The following CSMD2 variants were observed in gnomAD, a reference collection of about 807,000 sequenced individuals.
The protein encoded by CSMD2 is CUB and Sushi multiple domains 2.
Under a neutral mutation model 398.5 loss-of-function variants are expected in CSMD2, and 130 were observed. The observed-to-expected ratio is 0.33, with a 90% CI of 0.28 to 0.38. The LOEUF (loss-of-function observed/expected upper bound fraction) is 0.38. Ranked by LOEUF, CSMD2 falls within the 10% of genes least tolerant of loss-of-function variation. The pLI is 1.00. For missense variants in CSMD2, 3,829 were observed against 4,764.9 expected (o/e 0.80, Z 5.78); for synonymous variants, 1,828 against 1,908.5 (o/e 0.96, Z 1.10).
chr1:34,077,149 G>A (rs1656478866), intron 2 of CSMD2, among the ~76,000 whole-genome samples: 1 of 151,528 alleles, frequency 6.6e-6, no homozygotes, highest in African/African-American at 2.4e-5. Context: ...AGACCAGAGT[G>A]TTGGAGAGAA....
At chr1:34,136,392 T>A (rs1004362884) in intron 1 of CSMD2, among the ~76,000 whole-genome samples, 2 of 152,248 alleles carry the variant, frequency 1.3e-5, no homozygotes, top group African/African-American at 4.8e-5. Flanking sequence ...ACAAGTGTTA[T>A]CTATTAAATA....
chr1:33,852,720 T>G (rs1197580022), intron 5 of CSMD2, among the ~76,000 whole-genome samples: 10 of 152,258 alleles, frequency 6.6e-5, no homozygotes, highest in Non-Finnish European at 1.3e-4. Flanking sequence ...ATCTTCTTTT[T>G]GTCTCAGTAT....
At chr1:33,981,300 C>A (rs1328729314) in intron 3 of CSMD2, among the ~76,000 whole-genome samples, 1 of 152,190 alleles carries the variant, frequency 6.6e-6, no homozygotes. Flanking sequence ...CCCAGCTGTT[C>A]ATAAGCACTT....
At chr1:33,887,476 G>A (rs944411452) in intron 5 of CSMD2, among the ~76,000 whole-genome samples, 1 of 152,176 alleles carries the variant, frequency 6.6e-6, no homozygotes, top group Non-Finnish European at 1.5e-5. Flanking sequence ...AAGCGATGGT[G>A]TTACAGAACC....
chr1:33,918,080 G>A lies in CSMD2; in HGVS notation c.920+14C>T. On this transcript the variant is annotated intron_variant, in intron 5 of 70. Transcript: ENST00000373381. ...AGAGAATAGGGTAGGAAAGGAAGGT[G>A]ATGTTGTGCTTACCAGAGGGAGGAG... 1 of 1,609,808 alleles carries A rather than the reference G, an allele frequency of 6.2e-7. No homozygotes were observed. Among genetic ancestry groups the A allele is most frequent in the Non-Finnish European group, 8.5e-7 (1 of 1,177,248 alleles).
intron 68 of CSMD2, among the ~76,000 whole-genome samples, chr1:33,520,772 C>T (rs916063367): frequency 3.3e-5 from 5 of 152,152 alleles, no homozygotes; most frequent in Admixed American, 1.3e-4. Context: ...AGGGCCCCGG[C>T]GATGGGAGGT....
intron 2 of CSMD2, among the ~76,000 whole-genome samples, chr1:34,033,998 G>A (rs1049817770): frequency 1.3e-5 from 2 of 151,950 alleles, no homozygotes. Context: ...AGTTTCAAGG[G>A]CATCTTCTCT....
intron 25 of CSMD2, among the ~76,000 whole-genome samples, chr1:33,666,541 ATG>A (rs67825405): frequency 0.9 from 133,576 of 148,718 alleles, 60,024 homozygotes; most frequent in Admixed American, 0.92. Flanking sequence ...AGATATATAT[ATG>A]TGTGTGTGTG....
intron 3 of CSMD2, among the ~76,000 whole-genome samples, chr1:33,993,801 C>T (rs572034000): frequency 1.3e-5 from 2 of 152,254 alleles, no homozygotes; most frequent in East Asian, 3.9e-4. Flanking sequence ...ACTCACTCTC[C>T]TAGACCCCCT....
chr1:33,614,477 T>C, intron 40 of CSMD2, 27 bp downstream of exon 40: 3 of 1,302,350 alleles, frequency 2.3e-6, no homozygotes, highest in Non-Finnish European at 3.3e-6. Flanking sequence ...TTGAAGCCTG[T>C]CTCCTCTGGG....
chr1:33,983,368 C>G (rs1038482141), intron 3 of CSMD2, among the ~76,000 whole-genome samples: 4 of 152,208 alleles, frequency 2.6e-5, no homozygotes, highest in African/African-American at 9.7e-5. Context: ...GGGCATCTCT[C>G]TACTTGGGAA....
At chr1:33,696,511 G>A (rs759492377) in intron 24 of CSMD2, among the ~76,000 whole-genome samples, 1 of 152,188 alleles carries the variant, frequency 6.6e-6, no homozygotes, top group Non-Finnish European at 1.5e-5. Flanking sequence ...GGAGTAGGGT[G>A]CTGGTGAGAG....
intron 2 of CSMD2, among the ~76,000 whole-genome samples, chr1:34,049,342 C>A (rs2148217325): frequency 6.6e-6 from 1 of 152,218 alleles, no homozygotes; most frequent in Non-Finnish European, 1.5e-5. Flanking sequence ...CTGTTGTGAA[C>A]CTCTAACTCT....
At chr1:33,609,578 G>T (rs536322492) in intron 41 of CSMD2, among the ~76,000 whole-genome samples, 1 of 152,210 alleles carries the variant, frequency 6.6e-6, no homozygotes, top group South Asian at 2.1e-4. Flanking sequence ...GACAAAGAGA[G>T]CTTTGGCCTT....
At chr1:33,903,204 T>G (rs549548193) in intron 5 of CSMD2, among the ~76,000 whole-genome samples, 40 of 152,244 alleles carry the variant, frequency 2.6e-4, no homozygotes, top group African/African-American at 9.6e-4. Flanking sequence ...AGTCTCTCTC[T>G]GAGGTTGCAA....
chr1:33,639,762 T>C (rs1213427044), intron 29 of CSMD2, among the ~76,000 whole-genome samples: 1 of 152,228 alleles, frequency 6.6e-6, no homozygotes, highest in Admixed American at 6.5e-5. Context: ...AAGAGAAAGA[T>C]GAGCTCATCA....
chr1:33,673,018 A>G (rs1571173263), intron 25 of CSMD2, among the ~76,000 whole-genome samples: 2 of 152,378 alleles, frequency 1.3e-5, no homozygotes, highest in East Asian at 3.9e-4. Context: ...GGGAAAAAAC[A>G]GAGCAGAAAA....
At chr1:33,563,287 A>G (rs1658741790) in intron 53 of CSMD2, among the ~76,000 whole-genome samples, 1 of 152,090 alleles carries the variant, frequency 6.6e-6, no homozygotes, top group Non-Finnish European at 1.5e-5. Flanking sequence ...GTAACATAGG[A>G]GAGGATTAAG....
At chr1:33,727,783 T>C (rs918581117) in intron 15 of CSMD2, among the ~76,000 whole-genome samples, 1 of 152,110 alleles carries the variant, frequency 6.6e-6, no homozygotes, top group Non-Finnish European at 1.5e-5. Flanking sequence ...GCTCCTGATT[T>C]TTAAGCCGCT....
Sources: gnomAD v4.1 joint callset for allele counts (sites outside exome capture counted in the v4.1 genomes callset) on GRCh38, gnomAD v4.1.1 for gene constraint, MANE v1.5 for transcripts, NCBI Gene and HGNC (gene_info 2026-07-23, HGNC 2026-07-21) for gene names.